The following SNX5 variants were observed in gnomAD, a reference collection of about 807,000 sequenced individuals.
SNX5 encodes the protein sorting nexin-5.
Under a neutral mutation model 53.9 loss-of-function variants are expected in SNX5, and 31 were observed. The observed-to-expected ratio is 0.58, with a 90% confidence interval of 0.43 to 0.78. The LOEUF (loss-of-function observed/expected upper bound fraction) is 0.78. Among genes scored for constraint, SNX5 ranks in the 30% least tolerant of loss-of-function variants. The pLI is 0.00. For missense variants in SNX5, 471 were observed against 478.8 expected, an observed-to-expected ratio of 0.98 and a Z score of 0.15; for synonymous variants, 168 against 171.1, an observed-to-expected ratio of 0.98 and a Z score of 0.14.
intron 1 of SNX5, chr20:17,962,742 A>C: frequency 1.9e-6 from 1 of 519,244 alleles, no homozygotes; most frequent in Non-Finnish European, 3.8e-6. Context: ...TCTTTGTGAG[A>C]TGGGTCTCAG....
rs2039417049 is a variant in SNX5, at chr20:17,941,641, A to C, written c.*716T>G. 6.6e-6 allele frequency: 1 copy of C among 152,306 alleles called. No individual in the cohort carries two copies. Among genetic ancestry groups the C allele is most frequent in the Admixed American group, 6.5e-5 (1 of 15,300 alleles). 9.4% of individuals were successfully genotyped at this position (152,306 alleles called of 1,614,324 possible). A position where few individuals can be genotyped will look rare whatever the true frequency, so the allele number is the denominator to read the frequency against. On this transcript the variant is annotated 3_prime_UTR_variant, in exon 13 of 13. Coordinates refer to ENST00000377759, the MANE Select transcript of SNX5 (RefSeq NM_014426.4). ...TTTATTATATGCTTTATAAAAAAAC[A>C]AACACCCAAAGACATACAACACACC...
intron 5 of SNX5, among the ~76,000 whole-genome samples, chr20:17,951,990 A>G (rs555364696): frequency 1.4e-4 from 22 of 152,336 alleles, no homozygotes; most frequent in South Asian, 4.1e-4. Context: ...TTGGGAGGCC[A>G]AGGCGGGCGG....
intron 1 of SNX5, among the ~76,000 whole-genome samples, chr20:17,957,534 A>G (rs1006560387): frequency 3.9e-5 from 6 of 152,250 alleles, no homozygotes; most frequent in Non-Finnish European, 5.9e-5. Context: ...CATTCTTCAC[A>G]TGCATTGGTA....
chr20:17,959,334 C>T (rs903522409), intron 1 of SNX5, among the ~76,000 whole-genome samples: 1 of 152,178 alleles, frequency 6.6e-6, no homozygotes, highest in Non-Finnish European at 1.5e-5. Flanking sequence ...AGGTAATACC[C>T]CCGACTATAC....
intron 6 of SNX5, among the ~76,000 whole-genome samples, chr20:17,950,781 G>A (rs945939039): frequency 6.6e-6 from 1 of 152,172 alleles, no homozygotes; most frequent in African/African-American, 2.4e-5. Context: ...CCTGGTATCT[G>A]GTAGGCATTG....
At chr20:17,954,626 C>T (rs1429206842) in intron 3 of SNX5, among the ~76,000 whole-genome samples, 2 of 152,184 alleles carry the variant, frequency 1.3e-5, no homozygotes, top group Non-Finnish European at 2.9e-5. Flanking sequence ...CAGGACAAAA[C>T]GCGTGGAAAT....
At chr20:17,952,551 G>C (rs1325596091) in intron 5 of SNX5, 36 bp downstream of exon 5, 1 of 1,595,298 alleles carries the variant, frequency 6.3e-7, no homozygotes, top group Admixed American at 1.7e-5. Context: ...ATAAACATTT[G>C]AAGTGGATTA....
intron 2 of SNX5, among the ~76,000 whole-genome samples, chr20:17,956,671 TC>T (rs2035360441): frequency 3.5e-5 from 2 of 56,594 alleles, no homozygotes; most frequent in East Asian, 5.3e-4. Context: ...TGAGACTGTC[TC>T]CAAAAAAAAA....
chr20:17,945,050 C>T (rs1184313269), intron 11 of SNX5: 2 of 152,170 alleles, frequency 1.3e-5, no homozygotes, highest in Admixed American at 6.5e-5. Context: ...GCAGACTCAC[C>T]CTCCTTCCTG....
At chr20:17,947,885 G>C (rs1213872309) in intron 10 of SNX5, among the ~76,000 whole-genome samples, 2 of 139,172 alleles carry the variant, frequency 1.4e-5, no homozygotes, top group African/African-American at 5.0e-5. Context: ...AAAACAGAAG[G>C]ACTTTTGTTT....
intron 11 of SNX5, chr20:17,945,553 A>T (rs2039476453): frequency 6.6e-6 from 1 of 152,146 alleles, no homozygotes; most frequent in African/African-American, 2.4e-5. Flanking sequence ...AGAGCCATGA[A>T]ACTGGCCTAT....
intron 1 of SNX5, chr20:17,961,476 G>C: frequency 1.0e-6 from 1 of 985,278 alleles, no homozygotes; most frequent in Non-Finnish European, 1.2e-6. Flanking sequence ...CACAATCTCT[G>C]ATCTGTTAGA....
At chr20:17,966,909 A>T (rs555978802) in intron 1 of SNX5, among the ~76,000 whole-genome samples, 15 of 152,342 alleles carry the variant, frequency 9.8e-5, no homozygotes, top group African/African-American at 3.4e-4. Context: ...ATCAGAAAAC[A>T]AAAATAAAGC....
At chr20:17,944,947 A>C (rs1472397218) in intron 11 of SNX5, 1 of 152,188 alleles carries the variant, frequency 6.6e-6, no homozygotes, top group East Asian at 1.9e-4. Context: ...TAATTCCTTC[A>C]TTGAATTTGT....
In SNX5 at chr20:17,950,312, T is replaced by C; in HGVS notation, c.694A>G (p.Lys232Glu). The C allele has an allele frequency of 6.2e-7, 1 of 1,613,216 alleles. No individual in the cohort carries two copies. Among genetic ancestry groups the C allele is most frequent in the Non-Finnish European group, 8.5e-7 (1 of 1,179,138 alleles). ...TTACTTTTATGAGATCTGGTCATTT[T>C]GTCAGCTTTCACACAAGAATCTTTG... ...RIKDSCVKAD[K>E]MTRSHKNVAD... The change falls in exon 7 of 13, where the codon AAA (lysine) becomes GAA (glutamate). Residue 232 changes from lysine to glutamate, a missense_variant. Transcript: ENST00000377759.
intron 10 of SNX5, among the ~76,000 whole-genome samples, chr20:17,948,533 G>T (rs569247123): frequency 5.9e-5 from 9 of 152,318 alleles, no homozygotes; most frequent in African/African-American, 2.2e-4. Context: ...ATTCCCAAAG[G>T]TTATTCTGCT....
In SNX5 at chr20:17,954,176, G is replaced by C; in HGVS notation, c.268-59C>G. 3 of 1,600,504 alleles carry C rather than the reference G, an allele frequency of 1.9e-6. No individual in the cohort carries two copies. In the South Asian group the frequency reaches 3.4e-5, roughly 18 times the overall value. On this transcript the variant is annotated intron_variant, in intron 3 of 12. Coordinates refer to ENST00000377759, the MANE Select transcript of SNX5 (RefSeq NM_014426.4). ...TCCCAGCAGCGATGTTTTCTAGTTG[G>C]TGCCTCATTCTACTCTTGCTGGTCC...
Position 17,952,611 on chromosome 20 carries a change from A to G in SNX5, c.489T>C (p.His163=). The change falls in exon 5 of 13, where the codon CAT becomes CAC. Residue 163 remains histidine, a synonymous_variant. Transcript: ENST00000377759. ...HPVLSKDRNF[H]VFLEYDQDLS... ...CATCCTGATCATATTCCAGGAAAAC[A>G]TGAAAGTTGCGATCTTTACTGAGAA... 6.2e-7 allele frequency: 1 copy of G among 1,614,054 alleles called. No homozygotes were observed. Among genetic ancestry groups the G allele is most frequent in the Non-Finnish European group, 8.5e-7 (1 of 1,179,982 alleles).
chr20:17,962,911 C>A (rs371102674), intron 1 of SNX5: 16 of 518,772 alleles, frequency 3.1e-5, no homozygotes, highest in Non-Finnish European at 6.2e-5. Flanking sequence ...CAGTGCAGCG[C>A]ACTCAGCGAA....
Sources: allele counts gnomAD v4.1 joint callset (sites outside exome capture counted in the v4.1 genomes callset), GRCh38; gene constraint gnomAD v4.1.1; transcripts MANE v1.5; gene names NCBI Gene and HGNC (gene_info 2026-07-23, HGNC 2026-07-21).